Variants in CNTN5 observed in about 807,000 individuals in gnomAD.
The protein encoded by CNTN5 is contactin 5.
CNTN5 carries 77 observed loss-of-function variants against 129.1 expected under a neutral mutation model. The observed-to-expected ratio is 0.60, with a 90% CI of 0.50 to 0.72. The LOEUF (loss-of-function observed/expected upper bound fraction) is 0.72. Ranked by LOEUF, CNTN5 falls within the 30% of genes least tolerant of loss-of-function variation. The pLI is 0.00. For missense variants in CNTN5, 1,478 were observed against 1,328.8 expected (o/e 1.11, Z -1.75); for synonymous variants, 509 against 465.6 (o/e 1.09, Z -1.20).
intron 3 of CNTN5, among the ~76,000 whole-genome samples, chr11:99,613,305 T>C (rs758659892): frequency 2.0e-5 from 3 of 152,182 alleles, no homozygotes; most frequent in Non-Finnish European, 2.9e-5. Flanking sequence ...GATGGTTTTA[T>C]AAGGGGCTCT....
At chr11:100,168,663 T>A (rs1026039590) in intron 13 of CNTN5, among the ~76,000 whole-genome samples, 1 of 152,034 alleles carries the variant, frequency 6.6e-6, no homozygotes, top group African/African-American at 2.4e-5. Flanking sequence ...GAAATTAATG[T>A]GTTTTTCATG....
At chr11:99,500,150 C>T (rs112163363) in intron 2 of CNTN5, among the ~76,000 whole-genome samples, 3,971 of 152,084 alleles carry the variant, frequency 0.026, 69 homozygotes, top group Middle Eastern at 0.065. Context: ...GCAAAACACA[C>T]TCAAATATTA....
chr11:99,527,722 T>C (rs999285805), intron 2 of CNTN5, among the ~76,000 whole-genome samples: 1 of 152,174 alleles, frequency 6.6e-6, no homozygotes. Context: ...AATGGGAAAG[T>C]GTTCACTAAC....
intron 3 of CNTN5, among the ~76,000 whole-genome samples, chr11:99,653,627 G>T (rs1171586506): frequency 1.3e-5 from 2 of 151,962 alleles, no homozygotes; most frequent in East Asian, 1.9e-4. Flanking sequence ...AATGTAAATT[G>T]GTCTGTCACC....
chr11:99,212,649 C>A (rs895860743), intron 1 of CNTN5, among the ~76,000 whole-genome samples: 1 of 151,908 alleles, frequency 6.6e-6, no homozygotes, highest in Non-Finnish European at 1.5e-5. Flanking sequence ...TGTATTTATT[C>A]TTTTCTATAT....
chr11:99,332,618 A>C (rs746760766), intron 2 of CNTN5, among the ~76,000 whole-genome samples: 5 of 152,090 alleles, frequency 3.3e-5, no homozygotes, highest in African/African-American at 7.2e-5. Context: ...TATGGTGTAC[A>C]ACAATTAAGG....
At chr11:100,262,938 T>C (rs1041393449) in intron 17 of CNTN5, among the ~76,000 whole-genome samples, 1 of 151,872 alleles carries the variant, frequency 6.6e-6, no homozygotes, top group African/African-American at 2.4e-5. Context: ...TAAAGTATAA[T>C]AAAAAAAAGA....
chr11:100,041,375 T>C (rs1380163849), intron 9 of CNTN5, among the ~76,000 whole-genome samples: 3 of 152,184 alleles, frequency 2.0e-5, no homozygotes, highest in Non-Finnish European at 4.4e-5. Flanking sequence ...TCCACCTCTA[T>C]CACTCTCCCC....
At position 99,578,744 on chromosome 11, in the gene CNTN5, A is replaced by T. The variant is rs1949457415; in HGVS notation, c.55+22475A>T. On this transcript the variant is annotated intron_variant, in intron 3 of 24. Coordinates refer to ENST00000524871, the MANE Select transcript of CNTN5 (RefSeq NM_014361.4). ...CTGGATATTAGCCCTTTGTCAGATG[A>T]GTAGGTTGCAAAAATTTTCTCCCAT... Among the ~76,000 whole-genome samples the T allele has an allele frequency of 4.6e-5, 7 of 151,780 alleles. 1 individual carries two copies. In the South Asian group the frequency reaches 8.3e-4, roughly 18 times the overall value.
At chr11:99,707,531 A>T (rs1954808197) in intron 3 of CNTN5, among the ~76,000 whole-genome samples, 1 of 151,682 alleles carries the variant, frequency 6.6e-6, no homozygotes, top group African/African-American at 2.4e-5. Context: ...ACAAACTAAA[A>T]ATCAAAATAT....
At chr11:100,290,709 T>C (rs2138859860) in intron 18 of CNTN5, among the ~76,000 whole-genome samples, 1 of 150,478 alleles carries the variant, frequency 6.6e-6, no homozygotes, top group South Asian at 2.1e-4. Context: ...AAGGACTTCA[T>C]GTCTATAACA....
In CNTN5 at chr11:99,054,412, G is replaced by A. The variant is rs577651241; in HGVS notation, c.-210+33142G>A. 8.6e-5 allele frequency among the ~76,000 whole-genome samples: 13 copies of A among 151,986 alleles called. No homozygotes were observed. In the East Asian group the frequency reaches 1.9e-3, roughly 23 times the overall value. On this transcript the variant is annotated intron_variant, in intron 1 of 24. Coordinates refer to ENST00000524871, the MANE Select transcript of CNTN5 (RefSeq NM_014361.4). The stretch of plus-strand genomic sequence containing the variant: ...CTTACTTTGAACTCATTGGCCATTC[G>A]AAGCTGACTCAAAAACAAACTTATA...
chr11:99,796,854 A>T (rs930649326), intron 3 of CNTN5, among the ~76,000 whole-genome samples: 1 of 151,802 alleles, frequency 6.6e-6, no homozygotes, highest in Non-Finnish European at 1.5e-5. Flanking sequence ...CTACATCTCT[A>T]AGCAGCTCTC....
intron 2 of CNTN5, among the ~76,000 whole-genome samples, chr11:99,407,738 G>C (rs1039495651): frequency 2.0e-5 from 3 of 152,116 alleles, no homozygotes; most frequent in African/African-American, 4.8e-5. Context: ...TTCAAGTTCT[G>C]ACTGTTAGAA....
At chr11:99,952,767 T>A (rs1447240278) in intron 7 of CNTN5, among the ~76,000 whole-genome samples, 3 of 152,204 alleles carry the variant, frequency 2.0e-5, no homozygotes, top group Non-Finnish European at 4.4e-5. Flanking sequence ...TTAAATCTCA[T>A]ATTACAGAAA....
chr11:99,492,565 T>C lies in CNTN5; in HGVS notation c.-70-63580T>C, dbSNP rs548298547. On this transcript the variant is annotated intron_variant, in intron 2 of 24. Transcript: ENST00000524871. ...GATAGTTGAGAATCTAGTTTATTAT[T>C]ACTATTAATTTTAAAATTTGGTTTG... Among the ~76,000 whole-genome samples, 7 of 152,290 alleles carry C rather than the reference T, an allele frequency of 4.6e-5. No individual in the cohort carries two copies. In the South Asian group the frequency reaches 1.4e-3, roughly 32 times the overall value.
chr11:100,188,065 A>G (rs1948357171), intron 13 of CNTN5, among the ~76,000 whole-genome samples: 1 of 152,208 alleles, frequency 6.6e-6, no homozygotes, highest in African/African-American at 2.4e-5. Flanking sequence ...TCCAGAATCT[A>G]TGAGGAACAT....
At chr11:99,991,225 T>G (rs746790085) in intron 8 of CNTN5, among the ~76,000 whole-genome samples, 1 of 152,078 alleles carries the variant, frequency 6.6e-6, no homozygotes, top group African/African-American at 2.4e-5. Context: ...CCCAGCACTT[T>G]GGGAGGCCAA....
At chr11:100,036,027 C>T (rs144817684) in intron 9 of CNTN5, among the ~76,000 whole-genome samples, 9,728 of 152,136 alleles carry the variant, frequency 0.064, 765 homozygotes, top group African/African-American at 0.19. Context: ...GTGTTTGAGA[C>T]GTGAAGTCCT....
Sources: allele counts gnomAD v4.1 joint callset (sites outside exome capture counted in the v4.1 genomes callset), GRCh38; gene constraint gnomAD v4.1.1; transcripts MANE v1.5; gene names NCBI Gene and HGNC (gene_info 2026-07-23, HGNC 2026-07-21).